Variants in ARHGAP15 observed in about 807,000 individuals in gnomAD.
ARHGAP15 encodes the protein Rho GTPase activating protein 15.
A neutral mutation model predicts 63.7 loss-of-function variants in ARHGAP15; 51 were observed. The observed-to-expected ratio is 0.80, with a 90% CI of 0.64 to 1.01. The LOEUF (loss-of-function observed/expected upper bound fraction) is 1.01, where lower values mean the gene tolerates loss of function less well. Among genes scored for constraint, ARHGAP15 ranks in the 50% least tolerant of loss-of-function variants. The pLI is 0.00. For missense variants in ARHGAP15, 560 were observed against 564.6 expected, an observed-to-expected ratio of 0.99 and a Z score of 0.08; for synonymous variants, 191 against 193.8, an observed-to-expected ratio of 0.99 and a Z score of 0.12.
At chr2:143,413,966 T>TGTGCGCGCGCGCGCGCGCGC in intron 6 of ARHGAP15, among the ~76,000 whole-genome samples, 152 of 117,896 alleles carry the variant, frequency 1.3e-3, no homozygotes, top group Non-Finnish European at 1.6e-3. Flanking sequence ...TGTGTGTGTG[T>TGTGCGCGCGCGCGCGCGCGC]GCGCGCTCTC....
chr2:143,455,509 T>C (rs1261426450), intron 8 of ARHGAP15, among the ~76,000 whole-genome samples: 2 of 152,082 alleles, frequency 1.3e-5, no homozygotes, highest in East Asian at 3.9e-4. Context: ...ATCCTTATTT[T>C]ACCCAGCCGC....
intron 6 of ARHGAP15, among the ~76,000 whole-genome samples, chr2:143,409,487 T>C (rs1254813844): frequency 6.6e-6 from 1 of 152,102 alleles, no homozygotes; most frequent in African/African-American, 2.4e-5. Flanking sequence ...TTTAGCTTCA[T>C]GTTAACGTTA....
At chr2:143,656,934 G>GGGGTGTGTGTGT (rs1484394918) in intron 12 of ARHGAP15, among the ~76,000 whole-genome samples, 3 of 144,936 alleles carry the variant, frequency 2.1e-5, no homozygotes, top group African/African-American at 5.1e-5. Context: ...CAAAGTTTCT[G>GGGGTGTGTGTGT]GTGTGTGTGT....
chr2:143,490,408 G>A (rs1406857884), intron 9 of ARHGAP15, among the ~76,000 whole-genome samples: 1 of 152,162 alleles, frequency 6.6e-6, no homozygotes, highest in East Asian at 1.9e-4. Context: ...ATGGGGGCAG[G>A]AAGGGCTAAT....
chr2:143,641,812 C>G (rs1680613015), intron 12 of ARHGAP15, among the ~76,000 whole-genome samples: 2 of 152,022 alleles, frequency 1.3e-5, no homozygotes, highest in Non-Finnish European at 2.9e-5. Flanking sequence ...TTAGCAAAAG[C>G]CTTTAAAATG....
At chr2:143,626,408 G>A (rs1374512134) in intron 12 of ARHGAP15, among the ~76,000 whole-genome samples, 3 of 152,106 alleles carry the variant, frequency 2.0e-5, no homozygotes, top group African/African-American at 4.8e-5. Flanking sequence ...CGGTGGGTTC[G>A]TGGTCTTGCT....
intron 6 of ARHGAP15, chr2:143,435,276 G>A (rs1226735920): frequency 5.7e-5 from 57 of 1,005,770 alleles, no homozygotes; most frequent in East Asian, 9.8e-5. Flanking sequence ...ATTTTTCTGC[G>A]GGTTCTGACT....
chr2:143,231,534 C>T (rs1317252060), intron 5 of ARHGAP15, among the ~76,000 whole-genome samples: 1 of 152,152 alleles, frequency 6.6e-6, no homozygotes, highest in African/African-American at 2.4e-5. Context: ...TTTCCCGGTG[C>T]CCCCATCTTC....
At chr2:143,608,503 ATAGT>A (rs768140089) in intron 11 of ARHGAP15, 35 of 152,354 alleles carry the variant, frequency 2.3e-4, no homozygotes, top group African/African-American at 6.7e-4. Context: ...ATGTAAAGCA[ATAGT>A]TAGTGTAAGA....
rs138778452 is a variant in ARHGAP15 at position 143,405,686 on chromosome 2, C to T, written c.475-29915C>T. On this transcript the variant is annotated intron_variant, in intron 6 of 13. Coordinates refer to ENST00000295095, the MANE Select transcript of ARHGAP15 (RefSeq NM_018460.4). The stretch of plus-strand genomic sequence containing the variant: ...GGAATCAAATGTATTACGAGACTCA[C>T]ATTGTCCAAGGCCATCTTTTTGGGT... Among the ~76,000 whole-genome samples, 4 of 152,032 alleles carry T rather than the reference C, an allele frequency of 2.6e-5. No homozygotes were observed. The East Asian group carries it at 7.7e-4, about 29-fold the overall frequency.
At chr2:143,393,538 C>T (rs1421325807) in intron 6 of ARHGAP15, among the ~76,000 whole-genome samples, 7 of 151,900 alleles carry the variant, frequency 4.6e-5, no homozygotes, top group Non-Finnish European at 8.8e-5. Flanking sequence ...TCAAGACGAT[C>T]CTGACCAACA....
intron 13 of ARHGAP15, among the ~76,000 whole-genome samples, chr2:143,712,348 G>A (rs1409877722): frequency 1.9e-4 from 29 of 152,174 alleles, no homozygotes; most frequent in Non-Finnish European, 2.9e-5. Flanking sequence ...CAGAAATTTT[G>A]TTAACATAAT....
intron 13 of ARHGAP15, 24 bp from the exon 14 acceptor site, chr2:143,767,965 A>ATT (rs144009779): frequency 6.3e-6 from 10 of 1,582,930 alleles, no homozygotes; most frequent in African/African-American, 1.4e-5. Context: ...CAGTGAAATT[A>ATT]TTTTTTTTTC....
chr2:143,472,534 T>A (rs1691627567), intron 8 of ARHGAP15, among the ~76,000 whole-genome samples: 1 of 152,192 alleles, frequency 6.6e-6, no homozygotes, highest in South Asian at 2.1e-4. Flanking sequence ...CTTAATTTAA[T>A]TTTATATACT....
chr2:143,265,642 A>G (rs1227731066), intron 6 of ARHGAP15, among the ~76,000 whole-genome samples: 1 of 152,166 alleles, frequency 6.6e-6, no homozygotes, highest in Non-Finnish European at 1.5e-5. Flanking sequence ...AAGTGTTATT[A>G]TTATTTTGGA....
At chr2:143,678,582 T>A (rs1241823514) in intron 12 of ARHGAP15, among the ~76,000 whole-genome samples, 2 of 152,224 alleles carry the variant, frequency 1.3e-5, no homozygotes, top group Non-Finnish European at 2.9e-5. Flanking sequence ...GGTGTCCTGG[T>A]CAATTCACTT....
At chr2:143,495,021 ATTAAC>A (rs1692754965) in intron 9 of ARHGAP15, among the ~76,000 whole-genome samples, 1 of 152,212 alleles carries the variant, frequency 6.6e-6, no homozygotes, top group Non-Finnish European at 1.5e-5. Context: ...TTTACCAGCT[ATTAAC>A]TTAATATCTG....
At chr2:143,389,570 G>T (rs1284265764) in intron 6 of ARHGAP15, among the ~76,000 whole-genome samples, 1 of 152,136 alleles carries the variant, frequency 6.6e-6, no homozygotes, top group East Asian at 1.9e-4. Context: ...CTATTTCAAA[G>T]GAAAATGCAA....
At chr2:143,171,333 A>G (rs577555640) in intron 2 of ARHGAP15, among the ~76,000 whole-genome samples, 1 of 152,286 alleles carries the variant, frequency 6.6e-6, no homozygotes, top group African/African-American at 2.4e-5. Flanking sequence ...GTTTTCTAAA[A>G]TAGCCAGAAT....
Sources: gnomAD v4.1 joint callset for allele counts (sites outside exome capture counted in the v4.1 genomes callset) on GRCh38, gnomAD v4.1.1 for gene constraint, MANE v1.5 for transcripts, NCBI Gene and HGNC (gene_info 2026-07-23, HGNC 2026-07-21) for gene names.